The following ZNF90 variants were observed in gnomAD, a reference collection of about 807,000 sequenced individuals.
The protein encoded by ZNF90 is zinc finger protein HTF9.
In ZNF90, 11 loss-of-function variants were observed where a neutral mutation model predicts 12.0. The ratio of observed to expected loss-of-function variants is 0.92; its 90% CI spans 0.58 to 1.52. ZNF90 has a LOEUF of 1.52. Among genes scored for constraint, ZNF90 ranks in the 40% most tolerant of loss-of-function variants. ZNF90 has a pLI of 0.00. For synonymous variants in ZNF90, 232 were observed against 240.1 expected, an observed-to-expected ratio of 0.97 and a Z score of 0.31; for missense variants, 765 against 711.5, an observed-to-expected ratio of 1.08 and a Z score of -0.86.
chr19:20,078,052 G>A lies in ZNF90; in HGVS notation c.-81G>A, dbSNP rs2088790360. 1.9e-6 allele frequency: 3 copies of A among 1,594,190 alleles called. No homozygotes were observed. The highest frequency in any genetic ancestry group is 2.6e-6 in the Non-Finnish European group (3 of 1,162,078). ...CCAAATCTGGTCTTAGCTGCTTCGT[G>A]TCTTCTTCTCCAGCCTCTGTGGCCC... On this transcript the variant is annotated 5_prime_UTR_variant, in exon 1 of 4. Transcript: ENST00000418063.
At chr19:20,107,142 C>A (rs1015628713) in intron 3 of ZNF90, 9 of 388,568 alleles carry the variant, frequency 2.3e-5, no homozygotes, top group African/African-American at 4.2e-5. Flanking sequence ...GCTCAGGTAA[C>A]TGACACTGAG....
chr19:20,117,859 G>C lies in ZNF90; in HGVS notation c.305G>C (p.Arg102Thr). 1 of 1,608,348 alleles carries C rather than the reference G, an allele frequency of 6.2e-7. No homozygotes were observed. The highest frequency in any genetic ancestry group is 8.5e-7 in the Non-Finnish European group (1 of 1,177,378). Residue 102 changes from arginine (R) to threonine (T), a missense_variant, in exon 4 of 4, where the codon AGA becomes ACA. By Grantham distance (71) the Arg-to-Thr change is moderately conservative (BLOSUM62 -1). Coordinates refer to ENST00000418063, the MANE Select transcript of ZNF90 (RefSeq NM_007138.2). ...TCCTTCCAAAAAGTGATAGTGACAA[G>C]ATATGAAAAACGTGAATATGGCAAT... ...KDSFQKVIVT[R>T]YEKREYGNLE...
chr19:20,079,957 T>C, intron 1 of ZNF90: 1 of 347,022 alleles, frequency 2.9e-6, no homozygotes, highest in South Asian at 2.4e-5. Context: ...TTTTTTGAGA[T>C]GAAGTTTCTC....
chr19:20,117,397 C>CCTTCCTTCCTTCCT (rs2089148258), intron 3 of ZNF90, among the ~76,000 whole-genome samples: 2 of 91,346 alleles, frequency 2.2e-5, no homozygotes, highest in African/African-American at 1.4e-4. Flanking sequence ...CTTTTCTTTT[C>CCTTCCTTCCTTCCT]TCCTTCCTTC....
At chr19:20,100,631 A>G (rs764281992) in intron 1 of ZNF90, among the ~76,000 whole-genome samples, 1 of 152,144 alleles carries the variant, frequency 6.6e-6, no homozygotes, top group Non-Finnish European at 1.5e-5. Context: ...AGCAGGAAGA[A>G]GTTAAGAGCA....
At chr19:20,112,286 G>A (rs529552580) in intron 3 of ZNF90, among the ~76,000 whole-genome samples, 35 of 148,506 alleles carry the variant, frequency 2.4e-4, no homozygotes, top group African/African-American at 8.6e-4. Context: ...ATGAAGAGCA[G>A]TGAAGGGCAG....
At chr19:20,091,904 G>A (rs1386221358) in intron 1 of ZNF90, among the ~76,000 whole-genome samples, 1 of 152,218 alleles carries the variant, frequency 6.6e-6, no homozygotes, top group South Asian at 2.1e-4. Context: ...GGGAGGCAGA[G>A]CGGTAGCCTC....
intron 3 of ZNF90, 73 bp from the exon 4 acceptor site, chr19:20,117,706 ATT>A (rs1398557938): frequency 7.0e-7 from 1 of 1,421,678 alleles, no homozygotes; most frequent in Non-Finnish European, 9.2e-7. Flanking sequence ...GATGAGGTTA[ATT>A]TTGTTTGTAA....
intron 3 of ZNF90, among the ~76,000 whole-genome samples, chr19:20,115,328 A>G (rs1048184010): frequency 2.4e-4 from 36 of 151,886 alleles, no homozygotes; most frequent in African/African-American, 8.7e-4. Context: ...AAAATTTTAA[A>G]TAGTTTTCTG....
At chr19:20,093,229 G>A (rs1359602218) in intron 1 of ZNF90, among the ~76,000 whole-genome samples, 3 of 152,228 alleles carry the variant, frequency 2.0e-5, no homozygotes, top group African/African-American at 7.2e-5. Context: ...GAACTAATCT[G>A]TAAGACTTAT....
At position 20,118,776 on chromosome 19, in the gene ZNF90, C is replaced by T. The variant is rs782494692; in HGVS notation, c.1222C>T (p.Arg408Cys). 35 of 1,606,686 alleles carry T rather than the reference C, an allele frequency of 2.2e-5. No homozygotes were observed. Among genetic ancestry groups the T allele is most frequent in the Admixed American group, 3.4e-5 (2 of 58,526 alleles). Residue 408 changes from arginine (R) to cysteine (C), a missense_variant, in exon 4 of 4, where the codon CGC (arginine) becomes TGC (cysteine). Physicochemically the swap from Arg to Cys is radical, Grantham distance 180. Transcript: ENST00000418063. ...TGAAGAATGTGGCAAAGCCTTCAAG[C>T]GCTCCTCAACACTTACTATACATAA... is the stretch of plus-strand genomic sequence containing the variant. ...KCEECGKAFK[R>C]SSTLTIHKIS...
intron 3 of ZNF90, among the ~76,000 whole-genome samples, chr19:20,108,783 G>C (rs782008392): frequency 2.3e-4 from 27 of 118,724 alleles, no homozygotes; most frequent in Non-Finnish European, 4.2e-4. Flanking sequence ...CCAGGTTAAA[G>C]TGCAGTGGCA....
At chr19:20,110,022 A>G (rs1190918489) in intron 3 of ZNF90, among the ~76,000 whole-genome samples, 1 of 152,192 alleles carries the variant, frequency 6.6e-6, no homozygotes, top group African/African-American at 2.4e-5. Context: ...CTTATTTCAT[A>G]TAAGTGAAAT....
At position 20,119,556 on chromosome 19, in the gene ZNF90, A is replaced by G; in HGVS notation, c.*196A>G. 4 of 563,012 alleles carry G rather than the reference A, an allele frequency of 7.1e-6. No homozygotes were observed. The highest frequency in any genetic ancestry group is 3.0e-5 in the East Asian group (1 of 33,606). 34.9% of individuals were successfully genotyped at this position (563,012 alleles called of 1,614,324 possible). A position where few individuals can be genotyped will look rare whatever the true frequency, so the allele number is the denominator to read the frequency against. ...AAGTTCTCAACCCTTACTACACATA[A>G]TTCATACTGGACGGAAACTCTACAG... On this transcript the variant is annotated 3_prime_UTR_variant, in exon 4 of 4. Coordinates refer to ENST00000418063, the MANE Select transcript of ZNF90 (RefSeq NM_007138.2).
At chr19:20,094,339 T>G (rs1420364116) in intron 1 of ZNF90, among the ~76,000 whole-genome samples, 1 of 152,226 alleles carries the variant, frequency 6.6e-6, no homozygotes, top group Admixed American at 6.5e-5. Flanking sequence ...TGTCAGGAGC[T>G]GACTGGGTGA....
chr19:20,112,610 G>A (rs966889647), intron 3 of ZNF90, among the ~76,000 whole-genome samples: 12 of 152,166 alleles, frequency 7.9e-5, no homozygotes, highest in African/African-American at 2.9e-4. Context: ...GCATGAGCCA[G>A]CATGCACAAC....
chr19:20,110,851 A>T (rs370220506), intron 3 of ZNF90, among the ~76,000 whole-genome samples: 1 of 152,064 alleles, frequency 6.6e-6, no homozygotes, highest in Non-Finnish European at 1.5e-5. Flanking sequence ...AAACTTGTTT[A>T]TCTATTTCTA....
Position 20,119,557 on chromosome 19 carries a change from T to C in ZNF90, c.*197T>C. 3.6e-6 allele frequency: 2 copies of C among 561,620 alleles called. No homozygotes were observed. The highest frequency in any genetic ancestry group is 6.2e-6 in the Non-Finnish European group (2 of 324,070). 34.8% of individuals were successfully genotyped at this position (561,620 alleles called of 1,614,324 possible). ...AGTTCTCAACCCTTACTACACATAA[T>C]TCATACTGGACGGAAACTCTACAGG... On this transcript the variant is annotated 3_prime_UTR_variant, in exon 4 of 4. Coordinates refer to ENST00000418063, the MANE Select transcript of ZNF90 (RefSeq NM_007138.2).
At chr19:20,117,394 T>TTTCTC (rs2089148167) in intron 3 of ZNF90, among the ~76,000 whole-genome samples, 1 of 150,622 alleles carries the variant, frequency 6.6e-6, no homozygotes, top group Non-Finnish European at 1.5e-5. Flanking sequence ...TTTCTTTTCT[T>TTTCTC]TTCTCCTTCC....
Sources: gnomAD v4.1 joint callset for allele counts (sites outside exome capture counted in the v4.1 genomes callset) on GRCh38, gnomAD v4.1.1 for gene constraint, MANE v1.5 for transcripts, NCBI Gene and HGNC (gene_info 2026-07-23, HGNC 2026-07-21) for gene names.